The following RAD23A variants were observed in gnomAD, a reference collection of about 807,000 sequenced individuals.
RAD23A encodes the protein RAD23 nucleotide excision repair protein A, also known as lysine-specific demethylase RAD23A.
A neutral mutation model predicts 44.8 loss-of-function variants in RAD23A; 16 were observed. The ratio of observed to expected loss-of-function variants is 0.36; its 90% CI spans 0.24 to 0.54. RAD23A has a LOEUF of 0.54. RAD23A is among the 20% of genes least tolerant of loss of function. RAD23A has a pLI of 0.89. For missense variants in RAD23A, 380 were observed against 483.3 expected (o/e 0.79, Z 2.00); for synonymous variants, 217 against 202.9 (o/e 1.07, Z -0.59).
rs776313620 is a variant in RAD23A, at chr19:12,948,463, G to C, written c.417-34G>C. On this transcript the variant is annotated intron_variant, in intron 3 of 8. Coordinates refer to ENST00000586534, the MANE Select transcript of RAD23A (RefSeq NM_005053.4). This position sits in a 1 kb window ranked among gnomAD's most constrained non-coding sequence, Gnocchi z 5.5. ...CTGGAGGGAGGGCAAGCCGCCAGAA[G>C]CCAGGGTCCGATTTCTCTCTCTTGA... 1 of 1,556,302 alleles carries C rather than the reference G, an allele frequency of 6.4e-7. No homozygotes were observed. Among genetic ancestry groups the C allele is most frequent in the Non-Finnish European group, 8.7e-7 (1 of 1,151,928 alleles).
chr19:12,953,111 AG>A lies in RAD23A; in HGVS notation c.*63del. 1 of 1,121,954 alleles carries A rather than the reference AG, an allele frequency of 8.9e-7. No homozygotes were observed. Among genetic ancestry groups the A allele is most frequent in the Non-Finnish European group, 1.3e-6 (1 of 775,070 alleles). The allele number at this position is 1,121,954 out of a possible 1,614,324, so 69.5% of individuals were successfully genotyped here. On this transcript the variant is annotated 3_prime_UTR_variant, in exon 9 of 9. Coordinates refer to ENST00000586534, the MANE Select transcript of RAD23A (RefSeq NM_005053.4). ...CCTTATTCCATGAAAGTTTTATAAA[AG>A]AAAAAATATATATATATTCATGTTT...
chr19:12,947,870 T>C lies in RAD23A; in HGVS notation c.95T>C (p.Ile32Thr), dbSNP rs1474915283. ...DETVKVLKEK[I>T]EAEKGRDAFP... is the part of the protein sequence containing the mutation. ...TAGGTGAAGGTGCTAAAGGAGAAGA[T>C]AGAAGCTGAGAAGGGTCGTGATGCC... The change falls in exon 2 of 9, where the codon ATA (isoleucine) becomes ACA (threonine). Residue 32 changes from isoleucine (I) to threonine (T), a missense_variant. By Grantham distance (89) the Ile-to-Thr change is moderately conservative. Around this residue, in one of 3 missense-constraint regions of RAD23A, gnomAD observed 70 missense variants for 106.0 expected, o/e 0.66. Transcript: ENST00000586534. 3 of 1,613,796 alleles carry C rather than the reference T, an allele frequency of 1.9e-6. No individual in the cohort carries two copies. The highest frequency in any genetic ancestry group is 1.1e-5 in the South Asian group (1 of 91,084).
Position 12,947,959 on chromosome 19 carries a change from AG to A in RAD23A, c.187del (p.Asp63ThrfsTer14). ...GKILSDDVPI[R>X]DYRIDEKNFV... The stretch of plus-strand genomic sequence containing the variant: ...GATCTTGAGTGACGATGTCCCTATC[AG>A]GGACTATCGCATCGATGAGAAGAAC... On this transcript the variant is annotated frameshift_variant, in exon 2 of 9. Coordinates refer to ENST00000586534, the MANE Select transcript of RAD23A (RefSeq NM_005053.4). LOFTEE classifies it high-confidence loss of function. 6.2e-7 allele frequency: 1 copy of A among 1,614,046 alleles called. No homozygotes were observed. Among genetic ancestry groups the A allele is most frequent in the Non-Finnish European group, 8.5e-7 (1 of 1,180,032 alleles).
Position 12,952,790 on chromosome 19 carries a change from A to G in RAD23A, c.915A>G (p.Gly305=), listed in dbSNP as rs759402218. 6.2e-7 allele frequency: 1 copy of G among 1,612,522 alleles called. No homozygotes were observed. The highest frequency in any genetic ancestry group is 8.5e-7 in the Non-Finnish European group (1 of 1,179,492). The change falls in exon 8 of 9, where the codon GGA becomes GGG. Residue 305 remains glycine (G), a synonymous_variant. Coordinates refer to ENST00000586534, the MANE Select transcript of RAD23A (RefSeq NM_005053.4). The part of the protein sequence containing the change: ...SDVEGEVGAI[G]EEAPQMNYIQ... ...TGGAGGGGGAGGTGGGCGCCATAGG[A>G]GAGGAGGCCCCGCAGATGAACTACA...
Position 12,952,734 on chromosome 19 carries a change from C to G in RAD23A, c.859C>G (p.Pro287Ala). 6.2e-7 allele frequency: 1 copy of G among 1,612,588 alleles called. No homozygotes were observed. Among genetic ancestry groups the G allele is most frequent in the African/African-American group, 1.3e-5 (1 of 74,918 alleles). ...GCAGTTCATCCAGATGCTGAACGAG[C>G]CCCCTGGGGAGCTGGCGGACATCTC... is the stretch of plus-strand genomic sequence containing the variant. ...QEQFIQMLNE[P>A]PGELADISDV... Residue 287 changes from proline to alanine, a missense_variant, in exon 8 of 9, where the codon CCC becomes GCC. Around this residue, in one of 3 missense-constraint regions of RAD23A, gnomAD observed 279 missense variants for 313.7 expected, o/e 0.89. Transcript: ENST00000586534.
chr19:12,946,040 C>A lies in RAD23A; in HGVS notation c.72+20C>A. The A allele has an allele frequency of 3.6e-6, 3 of 836,386 alleles. No homozygotes were observed. Among genetic ancestry groups the A allele is most frequent in the Non-Finnish European group, 5.1e-6 (3 of 592,978 alleles). 51.8% of individuals were successfully genotyped at this position (836,386 alleles called of 1,614,324 possible). The stretch of plus-strand genomic sequence containing the variant: ...GAGACGGTGCGGGCCGGGCCGGAGC[C>A]CGGGGGCGGGAGCGACGGGTTTCGG... On this transcript the variant is annotated intron_variant, in intron 1 of 8. Coordinates refer to ENST00000586534, the MANE Select transcript of RAD23A (RefSeq NM_005053.4).
At chr19:12,946,161 T>C in intron 1 of RAD23A, 141 bp downstream of exon 1, 4 of 787,558 alleles carry the variant, frequency 5.1e-6, no homozygotes, top group Non-Finnish European at 7.7e-6. Flanking sequence ...TGCCCGACTT[T>C]CCTGGACCCC....
chr19:12,946,301 TCA>T (rs2146029138), intron 1 of RAD23A, among the ~76,000 whole-genome samples: 1 of 151,724 alleles, frequency 6.6e-6, no homozygotes, highest in African/African-American at 2.4e-5. Flanking sequence ...GGCGCGGGAG[TCA>T]CAAGCTCGGA....
chr19:12,948,324 T>A lies in RAD23A; in HGVS notation c.382T>A (p.Ser128Thr). The change falls in exon 3 of 9, where the codon TCC becomes ACC. Residue 128 changes from serine (S) to threonine (T), a missense_variant. Ser to Thr is a moderately conservative substitution (Grantham distance 58). Around this residue, in one of 3 missense-constraint regions of RAD23A, gnomAD observed 279 missense variants for 313.7 expected, o/e 0.89. Coordinates refer to ENST00000586534, the MANE Select transcript of RAD23A (RefSeq NM_005053.4). This position sits in a 1 kb window ranked among gnomAD's most constrained non-coding sequence, Gnocchi z 5.5. ...AGAGGACAAGAGCCCATCAGAGGAA[T>A]CCGCCCCCACGACGTCCCCAGAGTC... is the stretch of plus-strand genomic sequence containing the variant. ...AREDKSPSEE[S>T]APTTSPESVS... 2 of 1,604,970 alleles carry A rather than the reference T, an allele frequency of 1.2e-6. No individual in the cohort carries two copies. Among genetic ancestry groups the A allele is most frequent in the Non-Finnish European group, 1.7e-6 (2 of 1,174,914 alleles).
In RAD23A at chr19:12,952,933, C is replaced by T. The variant is rs991687908; in HGVS notation, c.979-3C>T. 1.2e-6 allele frequency: 2 copies of T among 1,613,678 alleles called. No homozygotes were observed. ...TGCTCACACTTAACCTATCTTCCCACAGTTGAAGGCCCTGGGCTTCCCAGA... is the reference window on the plus strand; with the variant it reads ...TGCTCACACTTAACCTATCTTCCCATAGTTGAAGGCCCTGGGCTTCCCAGA... On this transcript the variant is annotated splice_region_variant and splice_polypyrimidine_tract_variant and intron_variant, in intron 8 of 8. Transcript: ENST00000586534.
In RAD23A at chr19:12,953,156, AAAATC is replaced by A. The variant is rs1256723121; in HGVS notation, c.*111_*115del. Reference sequence around the variant, plus strand: ...CATGTTTATTTAAGAAATGGAAAAAAAAATCAAAAATCTTAAAAAAACAAGCAAAC... The same window carrying A: ...CATGTTTATTTAAGAAATGGAAAAAAAAAAATCTTAAAAAAACAAGCAAAC... On this transcript the variant is annotated 3_prime_UTR_variant, in exon 9 of 9. Transcript: ENST00000586534. The A allele has an allele frequency of 1.3e-6, 1 of 781,250 alleles. No individual in the cohort carries two copies. The highest frequency in any genetic ancestry group is 1.9e-6 in the Non-Finnish European group (1 of 518,714). 48.4% of individuals were successfully genotyped at this position (781,250 alleles called of 1,614,324 possible).
At position 12,953,043 on chromosome 19, in the gene RAD23A, C is replaced by T. The variant is rs756392712; in HGVS notation, c.1086C>T (p.Asp362=). The T allele has an allele frequency of 1.2e-5, 19 of 1,613,614 alleles. No homozygotes were observed. The East Asian group carries it at 2.0e-4, about 17-fold the overall frequency. ...TCCTCCTGAGTCAGAACTTTGATGA[C>T]GAGTGATGCCAGGAAGCCAGGCCAC... The part of the protein sequence containing the change: ...ANFLLSQNFD[D]E The change falls in exon 9 of 9, where the codon GAC becomes GAT. Residue 362 remains aspartate (D), a synonymous_variant. Transcript: ENST00000586534.
At chr19:12,947,816 T>TC (rs1309079362) in intron 1 of RAD23A, 32 bp from the exon 2 acceptor site, 12 of 1,605,574 alleles carry the variant, frequency 7.5e-6, no homozygotes, top group Non-Finnish European at 1.0e-5. Flanking sequence ...AATCTTGGGG[T>TC]CTCCAGTGAC....
intron 7 of RAD23A, 151 bp from the exon 8 acceptor site, chr19:12,952,538 G>A: frequency 1.2e-6 from 1 of 865,718 alleles, no homozygotes. Flanking sequence ...TTCCAGGGTA[G>A]GGCTTGTGTC....
At position 12,948,922 on chromosome 19, in the gene RAD23A, G is replaced by A; in HGVS notation, c.600+109G>A. The A allele has an allele frequency of 6.5e-7, 1 of 1,545,586 alleles. No homozygotes were observed. The highest frequency in any genetic ancestry group is 8.8e-7 in the Non-Finnish European group (1 of 1,139,850). On this transcript the variant is annotated intron_variant, in intron 5 of 8. Coordinates refer to ENST00000586534, the MANE Select transcript of RAD23A (RefSeq NM_005053.4). This position sits in a 1 kb window ranked among gnomAD's most constrained non-coding sequence, Gnocchi z 5.5. ...ACCTGCCCTGAAAAGCCTTTGGGTAGTGATTCTAGCCACTAAAGGCTTCCC... is the reference window on the plus strand; with the variant it reads ...ACCTGCCCTGAAAAGCCTTTGGGTAATGATTCTAGCCACTAAAGGCTTCCC...
intron 1 of RAD23A, among the ~76,000 whole-genome samples, chr19:12,946,998 TC>T (rs1426365457): frequency 6.6e-5 from 10 of 152,020 alleles, no homozygotes; most frequent in African/African-American, 2.2e-4. Flanking sequence ...GCCTAGGAAT[TC>T]GAGATCATCC....
At chr19:12,946,084 G>GGGGGGGGGGGGCC in intron 1 of RAD23A, 64 bp downstream of exon 1, 9 of 512,120 alleles carry the variant, frequency 1.8e-5, no homozygotes, top group Non-Finnish European at 2.2e-5. Flanking sequence ...TGGGGGCGGG[G>GGGGGGGGGGGGCC]AGGCTAGAAT....
Position 12,948,517 on chromosome 19 carries a change from G to A in RAD23A, c.437G>A (p.Ser146Asn). The A allele has an allele frequency of 1.9e-6, 3 of 1,594,682 alleles. No individual in the cohort carries two copies. The highest frequency in any genetic ancestry group is 2.6e-6 in the Non-Finnish European group (3 of 1,170,398). ...SVSGSVPSSG[S>N]SGREEDAAST... is the part of the protein sequence containing the mutation. ...TGCAGCTCTGTTCCCTCTTCAGGTA[G>A]CAGCGGGCGAGAGGAAGACGCGGCC... Residue 146 changes from serine to asparagine, a missense_variant, in exon 4 of 9, where the codon AGC (serine) becomes AAC (asparagine). Physicochemically the swap from Ser to Asn is conservative, Grantham distance 46. Coordinates refer to ENST00000586534, the MANE Select transcript of RAD23A (RefSeq NM_005053.4). The surrounding 1 kb of genome is among the most constrained non-coding windows in gnomAD (Gnocchi z 5.5).
At position 12,948,474 on chromosome 19, in the gene RAD23A, AT is replaced by A. The variant is rs1433140017; in HGVS notation, c.417-20del. 3.8e-6 allele frequency: 6 copies of A among 1,565,824 alleles called. No homozygotes were observed. The South Asian group carries it at 7.1e-5, about 18-fold the overall frequency. On this transcript the variant is annotated intron_variant, in intron 3 of 8. Transcript: ENST00000586534. This position sits in a 1 kb window ranked among gnomAD's most constrained non-coding sequence, Gnocchi z 5.5. The stretch of plus-strand genomic sequence containing the variant: ...GCAAGCCGCCAGAAGCCAGGGTCCG[AT>A]TTCTCTCTCTTGAATTTGCAGCTCT...
Sources: gnomAD v4.1 joint callset for allele counts (sites outside exome capture counted in the v4.1 genomes callset) on GRCh38, gnomAD v4.1.1 for gene constraint, gnomAD v4.1.1 regional missense constraint, Gnocchi (gnomAD v3.1) non-coding constraint, MANE v1.5 for transcripts, NCBI Gene and HGNC (gene_info 2026-07-23, HGNC 2026-07-21) for gene names.